NRG3: variants seen among roughly 807,000 people sequenced by gnomAD.
NRG3 encodes the protein pro-neuregulin-3, membrane-bound isoform.
Under a neutral mutation model 66.9 loss-of-function variants are expected in NRG3, and 31 were observed. That is an observed-to-expected ratio of 0.46 (90% CI 0.35 to 0.63). The LOEUF (loss-of-function observed/expected upper bound fraction) is 0.63, where lower values mean the gene tolerates loss of function less well. Ranked by LOEUF, NRG3 falls within the 20% of genes least tolerant of loss-of-function variation. The pLI is 0.00. For synonymous variants in NRG3, 393 were observed against 359.4 expected (o/e 1.09, Z -1.06); for missense variants, 910 against 878.9 (o/e 1.04, Z -0.45).
intron 2 of NRG3, among the ~76,000 whole-genome samples, chr10:82,468,323 G>C (rs1470232162): frequency 7.8e-6 from 1 of 128,104 alleles, no homozygotes; most frequent in Admixed American, 7.9e-5. Flanking sequence ...ACTATGAACT[G>C]TGATATAAAA....
At chr10:82,675,599 A>G (rs1451192896) in intron 2 of NRG3, among the ~76,000 whole-genome samples, 1 of 152,184 alleles carries the variant, frequency 6.6e-6, no homozygotes, top group African/African-American at 2.4e-5. Context: ...AGCCCCCTCT[A>G]TCTGCCTAGC....
At chr10:82,784,227 A>C (rs2060245907) in intron 3 of NRG3, among the ~76,000 whole-genome samples, 2 of 152,084 alleles carry the variant, frequency 1.3e-5, no homozygotes, top group Admixed American at 1.3e-4. Flanking sequence ...TTAAAGACTT[A>C]AACGTTAGAC....
chr10:82,448,754 T>C (rs961632085), intron 2 of NRG3, among the ~76,000 whole-genome samples: 19 of 152,308 alleles, frequency 1.2e-4, no homozygotes, highest in Middle Eastern at 3.4e-3. Flanking sequence ...ATTACTGATT[T>C]GGTGAATTCG....
At chr10:82,687,418 T>C (rs1425251674) in intron 2 of NRG3, among the ~76,000 whole-genome samples, 2 of 152,184 alleles carry the variant, frequency 1.3e-5, no homozygotes, top group African/African-American at 2.4e-5. Flanking sequence ...ATAGGTCAAA[T>C]CGTTTTAGTA....
intron 1 of NRG3, among the ~76,000 whole-genome samples, chr10:82,136,299 G>C (rs988717489): frequency 6.6e-6 from 1 of 152,106 alleles, no homozygotes; most frequent in Non-Finnish European, 1.5e-5. Context: ...CATAGCACTG[G>C]GTCTCTCTCA....
rs747074685 is a variant in NRG3 at position 82,738,640 on chromosome 10, A to T, written c.1017A>T (p.Leu339Phe). The T allele has an allele frequency of 2.1e-5, 34 of 1,613,898 alleles. No individual in the cohort carries two copies. The Admixed American group carries it at 5.3e-4, about 25-fold the overall frequency. The change falls in exon 3 of 9, where the codon TTA (leucine) becomes TTT (phenylalanine). Residue 339 changes from leucine (L) to phenylalanine (F), a missense_variant. Transcript: ENST00000372141. Reference protein sequence around the residue: ...DQFLPKTDSILSDPTDHLGIE... With the variant: ...DQFLPKTDSIFSDPTDHLGIE... ...TTCTGCCGAAAACTGATTCCATCTT[A>T]TCGGATCCAAGTAGGTCAAGCATTT...
chr10:82,427,421 A>G (rs1448227773), intron 2 of NRG3, among the ~76,000 whole-genome samples: 5 of 152,090 alleles, frequency 3.3e-5, no homozygotes, highest in Non-Finnish European at 5.9e-5. Flanking sequence ...TGCTTTTTCT[A>G]CTATCATGGA....
chr10:81,896,863 G>A (rs1293004085), intron 1 of NRG3, among the ~76,000 whole-genome samples: 5 of 152,078 alleles, frequency 3.3e-5, no homozygotes, highest in Admixed American at 3.3e-4. Context: ...TAGGCACCCA[G>A]CTCCAGAGCT....
At chr10:82,380,243 T>A (rs927800633) in intron 2 of NRG3, among the ~76,000 whole-genome samples, 1 of 148,454 alleles carries the variant, frequency 6.7e-6, no homozygotes, top group Admixed American at 6.7e-5. Flanking sequence ...TTTCTAACTA[T>A]TTTTCTATAG....
chr10:82,949,685 T>A (rs918195919), intron 4 of NRG3, among the ~76,000 whole-genome samples: 1 of 151,962 alleles, frequency 6.6e-6, no homozygotes, highest in African/African-American at 2.4e-5. Context: ...TGAAACCTCA[T>A]CTCTACTAAA....
intron 1 of NRG3, among the ~76,000 whole-genome samples, chr10:81,914,115 C>T (rs553257914): frequency 2.1e-4 from 32 of 152,072 alleles, no homozygotes; most frequent in Admixed American, 1.4e-3. Context: ...TAATTATTGA[C>T]GTATTCCTGA....
intron 2 of NRG3, among the ~76,000 whole-genome samples, chr10:82,495,200 G>T (rs886153948): frequency 6.6e-6 from 1 of 152,060 alleles, no homozygotes. Flanking sequence ...CTCCCAAAGT[G>T]CTGGGATTAC....
intron 2 of NRG3, among the ~76,000 whole-genome samples, chr10:82,582,414 A>G (rs1590758513): frequency 2.0e-5 from 3 of 152,186 alleles, no homozygotes; most frequent in East Asian, 1.9e-4. Flanking sequence ...AGTTTCTCCT[A>G]TGTAGCTTCT....
intron 2 of NRG3, among the ~76,000 whole-genome samples, chr10:82,634,546 G>C (rs2050056623): frequency 6.6e-6 from 1 of 152,118 alleles, no homozygotes; most frequent in Non-Finnish European, 1.5e-5. Flanking sequence ...AATATTTTTA[G>C]AGATCTCATG....
intron 4 of NRG3, among the ~76,000 whole-genome samples, chr10:82,931,338 G>C (rs1424342941): frequency 6.6e-6 from 1 of 152,166 alleles, no homozygotes; most frequent in Non-Finnish European, 1.5e-5. Context: ...AAATGTTAAT[G>C]AAGGAGGTAA....
In NRG3 at chr10:82,017,279, G is replaced by A. The variant is rs142578757; in HGVS notation, c.823+141116G>A. ...GGACATGAACTCATCCTTTTTAATGGTGGCATAGTATTCCATGGTGTATAT... is the reference window on the plus strand; with the variant it reads ...GGACATGAACTCATCCTTTTTAATGATGGCATAGTATTCCATGGTGTATAT... On this transcript the variant is annotated intron_variant, in intron 1 of 8. Coordinates refer to ENST00000372141, the MANE Select transcript of NRG3 (RefSeq NM_001010848.4). Among the ~76,000 whole-genome samples the A allele has an allele frequency of 2.6e-4, 39 of 152,196 alleles. No individual in the cohort carries two copies. In the East Asian group the frequency reaches 7.5e-3, roughly 29 times the overall value.
intron 1 of NRG3, among the ~76,000 whole-genome samples, chr10:81,962,089 A>G (rs553487671): frequency 6.6e-6 from 1 of 152,346 alleles, no homozygotes; most frequent in Non-Finnish European, 1.5e-5. Flanking sequence ...TCTGATGAGC[A>G]CTAAAGGTTG....
At chr10:82,201,629 G>T (rs2074832168) in intron 1 of NRG3, among the ~76,000 whole-genome samples, 3 of 151,808 alleles carry the variant, frequency 2.0e-5, no homozygotes, top group African/African-American at 7.3e-5. Context: ...TTTTTTTTTA[G>T]CAGGAAACTG....
intron 2 of NRG3, among the ~76,000 whole-genome samples, chr10:82,622,098 A>G (rs1226348838): frequency 6.6e-6 from 1 of 152,182 alleles, no homozygotes; most frequent in African/African-American, 2.4e-5. Context: ...CCTACTTTGC[A>G]AGGAGGTAAG....
Sources: allele counts gnomAD v4.1 joint callset (sites outside exome capture counted in the v4.1 genomes callset), GRCh38; gene constraint gnomAD v4.1.1; transcripts MANE v1.5; gene names NCBI Gene and HGNC (gene_info 2026-07-23, HGNC 2026-07-21).